STK31: variants seen among roughly 807,000 people sequenced by gnomAD.
The protein encoded by STK31 is serine/threonine-protein kinase 31.
STK31 carries 89 observed loss-of-function variants against 129.7 expected under a neutral mutation model. The ratio of observed to expected loss-of-function variants is 0.69; its 90% CI spans 0.58 to 0.82. STK31 has a LOEUF of 0.82. Ranked by LOEUF, STK31 falls within the 40% of genes least tolerant of loss-of-function variation. The probability of loss-of-function intolerance (pLI) is 0.00; values close to 1 mark genes in which losing one functional copy is unlikely to be tolerated. For missense variants in STK31, 1,187 were observed against 1,176.4 expected (o/e 1.01, Z -0.13); for synonymous variants, 448 against 395.3 (o/e 1.13, Z -1.58).
At chr7:23,719,948 C>T (rs1786590644) in intron 4 of STK31, among the ~76,000 whole-genome samples, 1 of 152,022 alleles carries the variant, frequency 6.6e-6, no homozygotes, top group Non-Finnish European at 1.5e-5. Flanking sequence ...AAATTTTTTC[C>T]CTTTAAGAAA....
intron 23 of STK31, among the ~76,000 whole-genome samples, chr7:23,826,931 T>C (rs1278970684): frequency 6.6e-6 from 1 of 152,184 alleles, no homozygotes; most frequent in Non-Finnish European, 1.5e-5. Flanking sequence ...CCCCACTCTC[T>C]TCTGGCTTGT....
At chr7:23,713,231 T>C (rs929583932) in intron 3 of STK31, among the ~76,000 whole-genome samples, 2 of 152,122 alleles carry the variant, frequency 1.3e-5, no homozygotes, top group African/African-American at 4.8e-5. Context: ...CTGCAGACAA[T>C]TGTAACACAA....
chr7:23,744,946 T>C (rs1347131388), intron 8 of STK31, among the ~76,000 whole-genome samples: 2 of 152,170 alleles, frequency 1.3e-5, no homozygotes, highest in Non-Finnish European at 2.9e-5. Context: ...GCTTGGGTGC[T>C]AGTAGCAGCA....
intron 23 of STK31, among the ~76,000 whole-genome samples, chr7:23,822,931 CT>C (rs1281091159): frequency 6.6e-6 from 1 of 152,064 alleles, no homozygotes. Flanking sequence ...TGAACTCATC[CT>C]TTTTTATGGC....
intron 6 of STK31, among the ~76,000 whole-genome samples, chr7:23,730,878 A>ATATATTTTTTTTTTT: frequency 6.7e-5 from 4 of 59,554 alleles, no homozygotes; most frequent in East Asian, 4.5e-4. Context: ...ATATATATAT[A>ATATATTTTTTTTTTT]TTTTTTTTTT....
chr7:23,736,914 G>T lies in STK31; in HGVS notation c.853G>T (p.Ala285Ser). 1 of 1,602,130 alleles carries T rather than the reference G, an allele frequency of 6.2e-7. No individual in the cohort carries two copies. Among genetic ancestry groups the T allele is most frequent in the Non-Finnish European group, 8.5e-7 (1 of 1,175,742 alleles). The change falls in exon 8 of 24, where the codon GCT becomes TCT. Residue 285 changes from alanine to serine, a missense_variant. Around this residue, in one of 5 missense-constraint regions of STK31, gnomAD observed 975 missense variants for 934.9 expected, o/e 1.04. Coordinates refer to ENST00000355870, the MANE Select transcript of STK31 (RefSeq NM_031414.5). ...AATTTGTTTTTATAGGGAAAGTTTG[G>T]CTGTTGGTGACTTTAATTTAGGGTC... ...NLITFPKESLAVGDFNLGSNV... is the reference protein window; with the variant it reads ...NLITFPKESLSVGDFNLGSNV...
chr7:23,802,675 G>A (rs533215398), intron 22 of STK31, among the ~76,000 whole-genome samples: 1 of 152,172 alleles, frequency 6.6e-6, no homozygotes, highest in South Asian at 2.1e-4. Flanking sequence ...CACCACACTC[G>A]GCTAATTTTT....
Position 23,832,187 on chromosome 7 carries a change from A to G in STK31, c.2881A>G (p.Met961Val), listed in dbSNP as rs138072234. 4.0e-4 allele frequency: 651 copies of G among 1,614,034 alleles called. 2 individuals are homozygous for G. Among genetic ancestry groups the G allele is most frequent in the Non-Finnish European group, 1.3e-4 (154 of 1,180,034 alleles). The change falls in exon 24 of 24, where the codon ATG becomes GTG. Residue 961 changes from methionine to valine, a missense_variant. Around this residue, in one of 5 missense-constraint regions of STK31, gnomAD observed 975 missense variants for 934.9 expected, o/e 1.04. Transcript: ENST00000355870. ...LCSLICYRSS[M>V]TAEQVLNAEC... ...TAGCTTGATATGTTATAGAAGTTCA[A>G]TGACTGCTGAACAAGTTTTAAATGC...
chr7:23,823,978 T>C (rs1316510400), intron 23 of STK31, among the ~76,000 whole-genome samples: 4 of 152,120 alleles, frequency 2.6e-5, no homozygotes, highest in African/African-American at 4.8e-5. Context: ...GGTACCAGTA[T>C]CATGCTATTT....
intron 10 of STK31, among the ~76,000 whole-genome samples, chr7:23,754,703 T>C (rs1320969627): frequency 6.6e-6 from 1 of 152,180 alleles, no homozygotes; most frequent in Admixed American, 6.5e-5. Flanking sequence ...CCTGTGTCCA[T>C]GTGTTCTCAA....
At chr7:23,788,406 G>C (rs1026263852) in intron 21 of STK31, among the ~76,000 whole-genome samples, 3 of 152,112 alleles carry the variant, frequency 2.0e-5, no homozygotes, top group African/African-American at 7.2e-5. Flanking sequence ...ACATTTAATT[G>C]CTAGGAAACA....
chr7:23,758,564 G>C (rs1395102607), intron 10 of STK31, among the ~76,000 whole-genome samples: 1 of 151,746 alleles, frequency 6.6e-6, no homozygotes, highest in Non-Finnish European at 1.5e-5. Context: ...GTGATGTTAA[G>C]GTGTTGATAT....
At chr7:23,803,524 C>A (rs1449628855) in intron 22 of STK31, among the ~76,000 whole-genome samples, 1 of 152,070 alleles carries the variant, frequency 6.6e-6, no homozygotes, top group African/African-American at 2.4e-5. Flanking sequence ...ACAGAAAATT[C>A]AAAACAATGG....
intron 21 of STK31, among the ~76,000 whole-genome samples, chr7:23,788,947 T>C (rs192669890): frequency 6.6e-6 from 1 of 152,170 alleles, no homozygotes; most frequent in Non-Finnish European, 1.5e-5. Context: ...CCATACTGAT[T>C]AGCAGTCACT....
At chr7:23,799,960 T>C (rs1464229228) in intron 22 of STK31, among the ~76,000 whole-genome samples, 1 of 152,220 alleles carries the variant, frequency 6.6e-6, no homozygotes, top group Non-Finnish European at 1.5e-5. Flanking sequence ...AAGACATTTA[T>C]GTGGCCAACA....
intron 10 of STK31, among the ~76,000 whole-genome samples, chr7:23,754,680 T>A (rs1347504336): frequency 6.6e-6 from 1 of 152,210 alleles, no homozygotes; most frequent in Non-Finnish European, 1.5e-5. Flanking sequence ...CCCTGGTGTG[T>A]ATTGTTTCCC....
chr7:23,710,660 A>G lies in STK31; in HGVS notation c.50+325A>G, dbSNP rs1170431163. Reference sequence around the variant, plus strand: ...CTTATAAAATAAGTGTCAGAGAGCTACGTGTACCCGTTTCTTCCAAATTTT... The same window carrying G: ...CTTATAAAATAAGTGTCAGAGAGCTGCGTGTACCCGTTTCTTCCAAATTTT... On this transcript the variant is annotated intron_variant, in intron 1 of 23. Coordinates refer to ENST00000355870, the MANE Select transcript of STK31 (RefSeq NM_031414.5). 3.5e-6 allele frequency: 4 copies of G among 1,149,776 alleles called. No individual in the cohort carries two copies. The African/African-American group carries it at 6.3e-5, about 18-fold the overall frequency. 71.2% of individuals were successfully genotyped at this position (1,149,776 alleles called of 1,614,324 possible).
In STK31 at chr7:23,769,187, C is replaced by T. The variant is rs776878355; in HGVS notation, c.1596+13C>T. 1 of 1,528,970 alleles carries T rather than the reference C, an allele frequency of 6.5e-7. No individual in the cohort carries two copies. Among genetic ancestry groups the T allele is most frequent in the South Asian group, 1.4e-5 (1 of 72,452 alleles). 94.7% of individuals were successfully genotyped at this position (1,528,970 alleles called of 1,614,324 possible). On this transcript the variant is annotated intron_variant, in intron 12 of 23. Coordinates refer to ENST00000355870, the MANE Select transcript of STK31 (RefSeq NM_031414.5). Reference sequence around the variant, plus strand: ...AAGAACCTTAAAGGTAATAAAAGCTCCTGCCCGGTTGTGTTTGTAGCATAA... The same window carrying T: ...AAGAACCTTAAAGGTAATAAAAGCTTCTGCCCGGTTGTGTTTGTAGCATAA...
chr7:23,735,961 G>T, intron 7 of STK31, 65 bp downstream of exon 7: 1 of 1,339,538 alleles, frequency 7.5e-7, no homozygotes, highest in Non-Finnish European at 1.0e-6. Context: ...TAGAATAGAA[G>T]TTAAGGCTTA....
Sources: gnomAD v4.1 joint callset for allele counts (sites outside exome capture counted in the v4.1 genomes callset) on GRCh38, gnomAD v4.1.1 for gene constraint, gnomAD v4.1.1 regional missense constraint, MANE v1.5 for transcripts, NCBI Gene and HGNC (gene_info 2026-07-23, HGNC 2026-07-21) for gene names.